The following FAM171B variants were observed in gnomAD, a reference collection of about 807,000 sequenced individuals.
The protein encoded by FAM171B is family with sequence similarity 171 member B.
A neutral mutation model predicts 75.6 loss-of-function variants in FAM171B; 19 were observed. That is an observed-to-expected ratio of 0.25 (90% CI 0.18 to 0.37). The LOEUF (loss-of-function observed/expected upper bound fraction) is 0.37, where lower values mean the gene tolerates loss of function less well. Ranked by LOEUF, FAM171B falls within the 10% of genes least tolerant of loss-of-function variation. The pLI is 1.00. For synonymous variants in FAM171B, 367 were observed against 361.7 expected, an observed-to-expected ratio of 1.01 and a Z score of -0.17; for missense variants, 848 against 982.4, an observed-to-expected ratio of 0.86 and a Z score of 1.83.
intron 1 of FAM171B, among the ~76,000 whole-genome samples, chr2:186,699,338 A>C (rs1362496796): frequency 6.6e-6 from 1 of 152,114 alleles, no homozygotes; most frequent in East Asian, 1.9e-4. Context: ...ATGAGATGAG[A>C]TCTCATTGTA....
chr2:186,740,487 G>A lies in FAM171B; in HGVS notation c.472+26G>A, dbSNP rs780884455. 5 of 1,537,898 alleles carry A rather than the reference G, an allele frequency of 3.3e-6. No homozygotes were observed. The Admixed American group carries it at 9.0e-5, about 28-fold the overall frequency. Reference sequence around the variant, plus strand: ...GTAAGCACTTAAACAGTTTTTTTTTGTTTGTTTTTGCTAAATGTAAATGAA... The same window carrying A: ...GTAAGCACTTAAACAGTTTTTTTTTATTTGTTTTTGCTAAATGTAAATGAA... On this transcript the variant is annotated intron_variant, in intron 2 of 7. Transcript: ENST00000304698.
intron 1 of FAM171B, among the ~76,000 whole-genome samples, chr2:186,727,679 G>A (rs1690056562): frequency 6.6e-6 from 1 of 152,142 alleles, no homozygotes; most frequent in African/African-American, 2.4e-5. Context: ...AAAACGACTG[G>A]AAAGGGAGGT....
intron 5 of FAM171B, 149 bp from the exon 6 acceptor site, chr2:186,753,784 T>C: frequency 1.9e-6 from 1 of 530,018 alleles, no homozygotes. Context: ...GTATATACTA[T>C]ATTATAATAT....
At chr2:186,710,883 T>TAC (rs368340956) in intron 1 of FAM171B, among the ~76,000 whole-genome samples, 3,050 of 150,608 alleles carry the variant, frequency 0.02, 108 homozygotes, top group African/African-American at 0.069. Flanking sequence ...TTACTGTCTT[T>TAC]ACACACACAC....
At chr2:186,734,425 C>T (rs77615690) in intron 1 of FAM171B, among the ~76,000 whole-genome samples, 4,048 of 151,778 alleles carry the variant, frequency 0.027, 183 homozygotes, top group African/African-American at 0.091. Context: ...TCTCAAAGAG[C>T]GTGCAGCCCT....
intron 1 of FAM171B, among the ~76,000 whole-genome samples, chr2:186,698,583 A>G (rs571108378): frequency 1.3e-5 from 2 of 152,340 alleles, no homozygotes; most frequent in Non-Finnish European, 2.9e-5. Flanking sequence ...TGATACAGGC[A>G]TAAAATGTAT....
intron 1 of FAM171B, among the ~76,000 whole-genome samples, chr2:186,727,233 A>G (rs974782766): frequency 6.6e-6 from 1 of 152,184 alleles, no homozygotes; most frequent in Non-Finnish European, 1.5e-5. Context: ...TATATCATGT[A>G]TCATTAATCT....
rs567303364 is a variant in FAM171B, at chr2:186,694,275, C to T, written c.102C>T (p.Leu34=). 6.2e-7 allele frequency: 1 copy of T among 1,612,148 alleles called. No individual in the cohort carries two copies. The highest frequency in any genetic ancestry group is 2.2e-5 in the East Asian group (1 of 44,818). Residue 34 remains leucine (L), a synonymous_variant, in exon 1 of 8, where the codon CTC becomes CTT. Transcript: ENST00000304698. ...RLVPAAARAE[L]SRSDLSLIQQ... ...TCCCCGCGGCCGCCAGAGCGGAACT[C>T]AGCCGCTCCGACCTCAGCCTCATCC... is the stretch of plus-strand genomic sequence containing the variant.
In FAM171B at chr2:186,762,531, T is replaced by C. The variant is rs1690634269; in HGVS notation, c.2189T>C (p.Met730Thr). The C allele has an allele frequency of 6.2e-7, 1 of 1,613,526 alleles. No individual in the cohort carries two copies. Among genetic ancestry groups the C allele is most frequent in the Non-Finnish European group, 8.5e-7 (1 of 1,179,712 alleles). Residue 730 changes from methionine (M) to threonine (T), a missense_variant, in exon 8 of 8, where the codon ATG (methionine) becomes ACG (threonine). Met to Thr is a moderately conservative substitution (Grantham distance 81, BLOSUM62 -1). Coordinates refer to ENST00000304698, the MANE Select transcript of FAM171B (RefSeq NM_177454.4). The surrounding 1 kb of genome is among the most constrained non-coding windows in gnomAD (Gnocchi z 4.0). ...AGGGAGAAAACATTCATCAAAAGCA[T>C]GCATCAGCCCAAGATCCTTTACTTA... is the stretch of plus-strand genomic sequence containing the variant. ...LEREKTFIKS[M>T]HQPKILYLED... is the part of the protein sequence containing the mutation.
At chr2:186,739,471 T>A (rs1011518866) in intron 1 of FAM171B, among the ~76,000 whole-genome samples, 20 of 152,198 alleles carry the variant, frequency 1.3e-4, no homozygotes, top group Non-Finnish European at 2.4e-4. Context: ...AGCTTTTTTC[T>A]ATTTTAAAAA....
intron 6 of FAM171B, among the ~76,000 whole-genome samples, chr2:186,758,388 A>G (rs1235275102): frequency 6.6e-6 from 1 of 152,158 alleles, no homozygotes; most frequent in Non-Finnish European, 1.5e-5. Flanking sequence ...TTAGTGCAAA[A>G]TTTGAAAGAT....
At chr2:186,700,357 T>C (rs941112983) in intron 1 of FAM171B, among the ~76,000 whole-genome samples, 1 of 152,096 alleles carries the variant, frequency 6.6e-6, no homozygotes, top group Non-Finnish European at 1.5e-5. Flanking sequence ...TATTGAGATA[T>C]AGATGTTTAT....
chr2:186,750,711 C>G (rs1366780007), intron 4 of FAM171B, among the ~76,000 whole-genome samples: 1 of 152,106 alleles, frequency 6.6e-6, no homozygotes, highest in African/African-American at 2.4e-5. Flanking sequence ...TCTGTGGGTT[C>G]TAGCACTCCT....
intron 1 of FAM171B, among the ~76,000 whole-genome samples, chr2:186,720,712 A>AAG (rs1559084363): frequency 2.8e-5 from 4 of 144,744 alleles, no homozygotes; most frequent in South Asian, 2.2e-4. Flanking sequence ...AAAAAAAAAA[A>AAG]AAAAGAAAAG....
chr2:186,747,027 C>A, intron 3 of FAM171B, 65 bp from the exon 4 acceptor site: 5 of 1,217,608 alleles, frequency 4.1e-6, no homozygotes, highest in South Asian at 1.7e-5. Context: ...GTAAGACATC[C>A]TGACCAATGC....
chr2:186,735,912 A>G (rs1690191769), intron 1 of FAM171B, among the ~76,000 whole-genome samples: 1 of 152,226 alleles, frequency 6.6e-6, no homozygotes, highest in Non-Finnish European at 1.5e-5. Flanking sequence ...ATGTTCTTCA[A>G]TTTATCTCTT....
Position 186,702,127 on chromosome 2 carries a change from G to A in FAM171B, c.238+7716G>A, listed in dbSNP as rs185255451. On this transcript the variant is annotated intron_variant, in intron 1 of 7. Transcript: ENST00000304698. ...AACAAGGACATTTTCTGAGAAATGC[G>A]TCATTAGGTGATTTTGTCATTCTGT... Among the ~76,000 whole-genome samples, 698 of 152,284 alleles carry A rather than the reference G, an allele frequency of 4.6e-3. 2 individuals carry two copies. Among genetic ancestry groups the A allele is most frequent in the Non-Finnish European group, 7.2e-3 (487 of 68,012 alleles).
chr2:186,735,746 T>A (rs2595377), intron 1 of FAM171B, among the ~76,000 whole-genome samples: 140,688 of 152,236 alleles, frequency 0.92, 65,708 homozygotes, highest in Non-Finnish European at 1. Flanking sequence ...TCAGGCACAT[T>A]TATTTATTCT....
rs761570457 is a variant in FAM171B, at chr2:186,747,299, A to G, written c.724+49A>G. 5.4e-6 allele frequency: 7 copies of G among 1,290,416 alleles called. No homozygotes were observed. In the South Asian group the frequency reaches 1.2e-4, roughly 22 times the overall value. The allele number at this position is 1,290,416 out of a possible 1,614,324, so 79.9% of individuals were successfully genotyped here. ...ATAGTTATAAGAAACATTAGTACACAAATCTTTCATCAAATATTTAGCTAT... is the reference window on the plus strand; with the variant it reads ...ATAGTTATAAGAAACATTAGTACACGAATCTTTCATCAAATATTTAGCTAT... On this transcript the variant is annotated intron_variant, in intron 4 of 7. Coordinates refer to ENST00000304698, the MANE Select transcript of FAM171B (RefSeq NM_177454.4).
Sources: allele counts gnomAD v4.1 joint callset (sites outside exome capture counted in the v4.1 genomes callset), GRCh38; gene constraint gnomAD v4.1.1; non-coding constraint Gnocchi (gnomAD v3.1); transcripts MANE v1.5; gene names NCBI Gene and HGNC (gene_info 2026-07-23, HGNC 2026-07-21).